The following MLIP variants were observed in gnomAD, a reference collection of about 807,000 sequenced individuals.
MLIP encodes the protein muscular LMNA-interacting protein.
MLIP carries 79 observed loss-of-function variants against 84.8 expected under a neutral mutation model. The observed-to-expected ratio is 0.93, with a 90% CI of 0.78 to 1.12. The LOEUF (loss-of-function observed/expected upper bound fraction) is 1.12. MLIP is among the 50% of genes most tolerant of loss of function. The probability of loss-of-function intolerance (pLI) is 0.00; values close to 1 mark genes in which losing one functional copy is unlikely to be tolerated. For synonymous variants in MLIP, 504 were observed against 463.0 expected (o/e 1.09, Z -1.14); for missense variants, 1,257 against 1,160.6 (o/e 1.08, Z -1.21).
At chr6:54,218,764 C>T (rs1271305945) in intron 11 of MLIP, among the ~76,000 whole-genome samples, 1 of 152,060 alleles carries the variant, frequency 6.6e-6, no homozygotes, top group Non-Finnish European at 1.5e-5. Flanking sequence ...GATCTGCCCA[C>T]CTCAGCCTCC....
rs191134149 is a variant in MLIP at position 54,084,194 on chromosome 6, T to C, written c.64-37253T>C. ...CCCTATCACCCCTCCCTTCTCTCTT[T>C]CCTAACCTGGCATCCCAGTATTTGT... On this transcript the variant is annotated intron_variant, in intron 1 of 12. Transcript: ENST00000274897. Among the ~76,000 whole-genome samples, 1,340 of 152,236 alleles carry C rather than the reference T, an allele frequency of 8.8e-3. 14 individuals carry two copies. Among genetic ancestry groups the C allele is most frequent in the African/African-American group, 0.028 (1,144 of 41,542 alleles).
intron 8 of MLIP, among the ~76,000 whole-genome samples, chr6:54,167,438 T>C (rs577696551): frequency 6.6e-6 from 1 of 152,042 alleles, no homozygotes; most frequent in Non-Finnish European, 1.5e-5. Flanking sequence ...GATCATTTTA[T>C]AGTTTCTAGC....
chr6:54,104,995 G>T (rs1768908900), intron 1 of MLIP, among the ~76,000 whole-genome samples: 1 of 152,162 alleles, frequency 6.6e-6, no homozygotes, highest in Non-Finnish European at 1.5e-5. Context: ...CTCACCGTTT[G>T]TCTTGCAAGG....
At chr6:54,131,904 C>G (rs535935046) in intron 3 of MLIP, among the ~76,000 whole-genome samples, 1 of 152,130 alleles carries the variant, frequency 6.6e-6, no homozygotes, top group African/African-American at 2.4e-5. Flanking sequence ...TTTACTGTGA[C>G]CTACCCATGT....
chr6:54,140,280 G>A (rs1772181176), intron 4 of MLIP, among the ~76,000 whole-genome samples: 1 of 152,154 alleles, frequency 6.6e-6, no homozygotes, highest in Non-Finnish European at 1.5e-5. Context: ...GATATAGTCA[G>A]AGAGTTGGAA....
At chr6:54,258,659 A>G (rs561526811) in intron 13 of MLIP, among the ~76,000 whole-genome samples, 1 of 152,144 alleles carries the variant, frequency 6.6e-6, no homozygotes, top group East Asian at 1.9e-4. Flanking sequence ...TATAATTCCC[A>G]GTTTATTGAG....
rs1764341711 is a variant in MLIP, at chr6:54,034,923, A to G, written c.63+15832A>G. Among the ~76,000 whole-genome samples the G allele has an allele frequency of 2.6e-5, 4 of 152,086 alleles. No homozygotes were observed. The South Asian group carries it at 8.3e-4, about 31-fold the overall frequency. The stretch of plus-strand genomic sequence containing the variant: ...GCCCTATACAGGTGTGCCATTTTTT[A>G]TCTTTTATACTATATTTTTACTGTA... On this transcript the variant is annotated intron_variant, in intron 1 of 12. Transcript: ENST00000274897.
At chr6:54,090,921 T>C (rs1190508867) in intron 1 of MLIP, among the ~76,000 whole-genome samples, 1 of 152,160 alleles carries the variant, frequency 6.6e-6, no homozygotes, top group African/African-American at 2.4e-5. Context: ...TGTATCATTG[T>C]TCTAATCATT....
chr6:54,147,477 G>A (rs1772975120), intron 4 of MLIP, among the ~76,000 whole-genome samples: 1 of 152,142 alleles, frequency 6.6e-6, no homozygotes, highest in South Asian at 2.1e-4. Flanking sequence ...AGTGACCTGA[G>A]ACATCTTCTA....
At chr6:54,109,924 T>TCTTCCTTACTTC, upstream of MLIP, among the ~76,000 whole-genome samples, 1 of 65,902 alleles carries the variant, frequency 1.5e-5, no homozygotes, top group East Asian at 5.3e-4. Context: ...TTTCTTTCTT[T>TCTTCCTTACTTC]CTTCCTTCCT....
At chr6:54,134,819 G>C (rs1179814471) in intron 3 of MLIP, among the ~76,000 whole-genome samples, 1 of 152,006 alleles carries the variant, frequency 6.6e-6, no homozygotes, top group Non-Finnish European at 1.5e-5. Context: ...GGTAATGAGA[G>C]TTTTGTGACT....
intron 12 of MLIP, among the ~76,000 whole-genome samples, chr6:54,249,338 C>T (rs1782296490): frequency 6.6e-6 from 1 of 151,898 alleles, no homozygotes; most frequent in African/African-American, 2.4e-5. Context: ...GGCATTACCA[C>T]AAATATATGC....
rs1783434771 is a variant in MLIP, at chr6:54,262,257, C to T, written c.2977-3693C>T. Among the ~76,000 whole-genome samples the T allele has an allele frequency of 3.3e-5, 5 of 152,102 alleles. No homozygotes were observed. The South Asian group carries it at 8.3e-4, about 25-fold the overall frequency. ...ACTAGGGTAGTAGAGAAAGAAAACC[C>T]TTTTTGTTATTGAATAACATTGAAC... On this transcript the variant is annotated intron_variant, in intron 13 of 13. Coordinates refer to ENST00000502396, the MANE Select transcript of MLIP (RefSeq NM_001281747.2).
intron 11 of MLIP, among the ~76,000 whole-genome samples, chr6:54,219,787 C>T (rs970339923): frequency 2.0e-5 from 3 of 152,110 alleles, no homozygotes; most frequent in African/African-American, 7.2e-5. Flanking sequence ...AATGAGATTC[C>T]TTGGAAAAGT....
chr6:54,182,716 T>A (rs191901646), intron 9 of MLIP, among the ~76,000 whole-genome samples: 1 of 152,330 alleles, frequency 6.6e-6, no homozygotes, highest in East Asian at 1.9e-4. Context: ...TGTTTATCAT[T>A]TTTTACTAAC....
chr6:54,116,936 A>C (rs537630070), intron 1 of MLIP, among the ~76,000 whole-genome samples: 185 of 152,354 alleles, frequency 1.2e-3, no homozygotes, highest in Non-Finnish European at 2.3e-3. Context: ...AGGATGGTTC[A>C]ACAAAATATG....
Position 54,137,100 on chromosome 6 carries a change from G to C in MLIP, c.1031G>C (p.Arg344Thr). ...SHVLSHGESP[R>T]TSSSPPSSSA... ...GTCCTTAGTCACGGAGAAAGTCCGA[G>C]AACCTCTTCTTCTCCACCGTCCTCC... Residue 344 changes from arginine to threonine, a missense_variant, in exon 4 of 14, where the codon AGA becomes ACA. Physicochemically the swap from Arg to Thr is moderately conservative, Grantham distance 71. Coordinates refer to ENST00000502396, the MANE Select transcript of MLIP (RefSeq NM_001281747.2). 1 of 1,536,036 alleles carries C rather than the reference G, an allele frequency of 6.5e-7. No homozygotes were observed. The highest frequency in any genetic ancestry group is 8.7e-7 in the Non-Finnish European group (1 of 1,146,872).
At chr6:54,215,032 G>T in intron 11 of MLIP, 1 of 714,602 alleles carries the variant, frequency 1.4e-6, no homozygotes, top group Admixed American at 2.7e-5. Flanking sequence ...TTAGATTCTA[G>T]TAAGTTCTCA....
chr6:54,237,658 C>G (rs931983028), intron 12 of MLIP, among the ~76,000 whole-genome samples: 1 of 134,644 alleles, frequency 7.4e-6, no homozygotes, highest in South Asian at 2.3e-4. Flanking sequence ...CCAGCCTGGA[C>G]GACATAGGGA....
Sources: gnomAD v4.1 joint callset for allele counts (sites outside exome capture counted in the v4.1 genomes callset) on GRCh38, gnomAD v4.1.1 for gene constraint, MANE v1.5 for transcripts, NCBI Gene and HGNC (gene_info 2026-07-23, HGNC 2026-07-21) for gene names.